The following GRIN2A variants were observed in gnomAD, a reference collection of about 807,000 sequenced individuals.
The protein encoded by GRIN2A is glutamate ionotropic receptor NMDA type subunit 2A, also known as glutamate receptor ionotropic, NMDA 2A.
GRIN2A carries 22 observed loss-of-function variants against 113.4 expected under a neutral mutation model. That is an observed-to-expected ratio of 0.19 (90% CI 0.14 to 0.28). The LOEUF (loss-of-function observed/expected upper bound fraction) is 0.28, where lower values mean the gene tolerates loss of function less well. GRIN2A is among the 10% of genes least tolerant of loss of function. GRIN2A has a pLI of 1.00. For missense variants in GRIN2A, 1,502 were observed against 1,887.0 expected (o/e 0.80, Z 3.78); for synonymous variants, 827 against 738.4 (o/e 1.12, Z -1.94).
chr16:10,028,583 A>G (rs1409396227), intron 2 of GRIN2A, among the ~76,000 whole-genome samples: 1 of 152,204 alleles, frequency 6.6e-6, no homozygotes, highest in African/African-American at 2.4e-5. Flanking sequence ...GCAGAGCCAC[A>G]AGATAGTGGA....
intron 11 of GRIN2A, among the ~76,000 whole-genome samples, chr16:9,779,275 G>C (rs1901798447): frequency 1.3e-5 from 2 of 152,252 alleles, no homozygotes; most frequent in South Asian, 4.1e-4. Flanking sequence ...GGTAACCTAT[G>C]CTGTGTTGCT....
At chr16:9,976,754 G>A (rs2045780855) in intron 2 of GRIN2A, among the ~76,000 whole-genome samples, 1 of 152,156 alleles carries the variant, frequency 6.6e-6, no homozygotes, top group South Asian at 2.1e-4. Context: ...CCTCACAAAT[G>A]ATGCATGTCC....
At chr16:10,089,942 C>T (rs1186758322) in intron 2 of GRIN2A, among the ~76,000 whole-genome samples, 1 of 152,082 alleles carries the variant, frequency 6.6e-6, no homozygotes, top group Non-Finnish European at 1.5e-5. Flanking sequence ...ATATCAAAAC[C>T]TTGGTGAATT....
intron 2 of GRIN2A, among the ~76,000 whole-genome samples, chr16:10,102,457 T>G (rs559992037): frequency 6.6e-6 from 1 of 152,326 alleles, no homozygotes; most frequent in South Asian, 2.1e-4. Flanking sequence ...GCTTCCTGTA[T>G]AGCCTGCAGA....
chr16:9,838,984 G>A (rs1335072546), intron 7 of GRIN2A, among the ~76,000 whole-genome samples: 1 of 152,116 alleles, frequency 6.6e-6, no homozygotes, highest in Non-Finnish European at 1.5e-5. Flanking sequence ...GTACACTAAA[G>A]GCCCAGACTT....
At chr16:10,127,894 G>A (rs186878693) in intron 2 of GRIN2A, among the ~76,000 whole-genome samples, 223 of 69,410 alleles carry the variant, frequency 3.2e-3, no homozygotes, top group Non-Finnish European at 4.3e-3. Context: ...CTGGATAGGA[G>A]TGTTTTTTTG....
chr16:9,781,641 A>G (rs1216201373), intron 11 of GRIN2A, among the ~76,000 whole-genome samples: 1 of 152,190 alleles, frequency 6.6e-6, no homozygotes, highest in East Asian at 1.9e-4. Flanking sequence ...GATTACAGGT[A>G]TGAGTCACTG....
intron 2 of GRIN2A, among the ~76,000 whole-genome samples, chr16:9,990,559 G>GTGCACA (rs1567220801): frequency 3.2e-5 from 3 of 94,644 alleles, no homozygotes; most frequent in African/African-American, 1.0e-4. Context: ...GCGCGCGCGC[G>GTGCACA]CGCGCACACA....
chr16:9,907,634 A>T (rs1395607468), intron 3 of GRIN2A, among the ~76,000 whole-genome samples: 1 of 152,218 alleles, frequency 6.6e-6, no homozygotes, highest in Admixed American at 6.5e-5. Flanking sequence ...AAAATTTAAA[A>T]TTTTCATTAA....
intron 2 of GRIN2A, among the ~76,000 whole-genome samples, chr16:9,968,854 G>A (rs532229452): frequency 7.9e-5 from 12 of 152,136 alleles, no homozygotes; most frequent in East Asian, 1.9e-4. Context: ...TGATCCGCCC[G>A]CCTCAGCCTT....
chr16:9,818,751 C>T (rs896383063), intron 10 of GRIN2A, among the ~76,000 whole-genome samples: 2 of 152,140 alleles, frequency 1.3e-5, no homozygotes, highest in Non-Finnish European at 2.9e-5. Flanking sequence ...ATTAATTACA[C>T]ATTGTATTGG....
chr16:10,063,821 G>A (rs9922383), intron 2 of GRIN2A, among the ~76,000 whole-genome samples: 16,531 of 152,092 alleles, frequency 0.11, 1,039 homozygotes, highest in African/African-American at 0.16. Flanking sequence ...ACTTCTAGAC[G>A]TACAGTAGCC....
At chr16:9,809,817 C>G (rs1377267054) in intron 10 of GRIN2A, among the ~76,000 whole-genome samples, 1 of 152,170 alleles carries the variant, frequency 6.6e-6, no homozygotes, top group Non-Finnish European at 1.5e-5. Context: ...CCAGTAATCC[C>G]AACACTTTGG....
intron 2 of GRIN2A, among the ~76,000 whole-genome samples, chr16:10,039,203 G>C (rs2047095699): frequency 6.6e-6 from 1 of 152,090 alleles, no homozygotes; most frequent in African/African-American, 2.4e-5. Flanking sequence ...AAAGGCAGAG[G>C]GGGGACCCAC....
At position 9,977,156 on chromosome 16, in the gene GRIN2A, G is replaced by C. The variant is rs571282883; in HGVS notation, c.415-38605C>G. Among the ~76,000 whole-genome samples, 149 of 152,250 alleles carry C rather than the reference G, an allele frequency of 9.8e-4. 1 individual carries two copies. The highest frequency in any genetic ancestry group is 3.4e-3 in the African/African-American group (142 of 41,538). ...TCAAAAATTAAACAAGCCAGGTGTGGGGACACATGCCTGTAATCCCAGCTA... is the reference window on the plus strand; with the variant it reads ...TCAAAAATTAAACAAGCCAGGTGTGCGGACACATGCCTGTAATCCCAGCTA... On this transcript the variant is annotated intron_variant, in intron 2 of 12. Coordinates refer to ENST00000330684, the MANE Select transcript of GRIN2A (RefSeq NM_001134407.3).
intron 3 of GRIN2A, among the ~76,000 whole-genome samples, chr16:9,936,549 T>G (rs4780721): frequency 0.28 from 42,890 of 151,884 alleles, 6,533 homozygotes; most frequent in African/African-American, 0.36. Context: ...CATGCAAAAT[T>G]GGGATAGGAG....
chr16:10,053,443 C>T (rs1232560555), intron 2 of GRIN2A, among the ~76,000 whole-genome samples: 5 of 152,218 alleles, frequency 3.3e-5, no homozygotes, highest in Non-Finnish European at 7.3e-5. Flanking sequence ...AAGAGAAGAG[C>T]TGGAGCTTAA....
At chr16:10,162,910 A>T (rs1175164227) in intron 2 of GRIN2A, among the ~76,000 whole-genome samples, 1 of 152,224 alleles carries the variant, frequency 6.6e-6, no homozygotes, top group Non-Finnish European at 1.5e-5. Context: ...GGAGGAGGGA[A>T]GGAAGCCACA....
intron 11 of GRIN2A, among the ~76,000 whole-genome samples, chr16:9,789,040 C>G (rs1472554349): frequency 6.6e-6 from 1 of 152,196 alleles, no homozygotes; most frequent in Non-Finnish European, 1.5e-5. Flanking sequence ...CTGCACCCAG[C>G]CTTCTCTGCC....
Sources: allele counts gnomAD v4.1 joint callset (sites outside exome capture counted in the v4.1 genomes callset), GRCh38; gene constraint gnomAD v4.1.1; transcripts MANE v1.5; gene names NCBI Gene and HGNC (gene_info 2026-07-23, HGNC 2026-07-21).